VTI1A: variants seen among roughly 807,000 people sequenced by gnomAD.
VTI1A encodes vesicle transport through interaction with t-SNAREs 1A.
Under a neutral mutation model 34.9 loss-of-function variants are expected in VTI1A, and 22 were observed. That is an observed-to-expected ratio of 0.63 (90% CI 0.45 to 0.90). The LOEUF (loss-of-function observed/expected upper bound fraction) is 0.90, where lower values mean the gene tolerates loss of function less well. Ranked by LOEUF, VTI1A falls within the 40% of genes least tolerant of loss-of-function variation. VTI1A has a pLI of 0.00. For synonymous variants in VTI1A, 87 were observed against 97.3 expected, an observed-to-expected ratio of 0.89 and a Z score of 0.62; for missense variants, 268 against 275.6, an observed-to-expected ratio of 0.97 and a Z score of 0.20.
At chr10:112,687,784 G>T (rs886942036) in intron 7 of VTI1A, among the ~76,000 whole-genome samples, 10 of 151,860 alleles carry the variant, frequency 6.6e-5, no homozygotes, top group South Asian at 2.1e-4. Context: ...AGAAGGAGGG[G>T]CTGATTTCAT....
At chr10:112,814,961 G>A (rs573905983) in intron 7 of VTI1A, among the ~76,000 whole-genome samples, 135 of 151,990 alleles carry the variant, frequency 8.9e-4, no homozygotes, top group African/African-American at 2.9e-3. Flanking sequence ...AAGCTCGCAA[G>A]GGGCCCTTGA....
the VTI1A span, among the ~76,000 whole-genome samples, chr10:112,851,227 C>T: frequency 1.3e-5 from 2 of 152,192 alleles, no homozygotes; most frequent in African/African-American, 4.8e-5. Flanking sequence ...TCAAGGTGCT[C>T]CTTCAGAGCC....
chr10:112,844,747 A>G, the VTI1A span, among the ~76,000 whole-genome samples: 1 of 152,226 alleles, frequency 6.6e-6, no homozygotes, highest in Non-Finnish European at 1.5e-5. Context: ...TGGAAAATGT[A>G]GTTTGACATC....
chr10:112,561,407 C>T (rs761238115), intron 5 of VTI1A, among the ~76,000 whole-genome samples: 7 of 152,214 alleles, frequency 4.6e-5, no homozygotes, highest in African/African-American at 7.2e-5. Flanking sequence ...ATGTTTGTTT[C>T]GCTGAAATTT....
intron 1 of VTI1A, chr10:112,450,129 C>G (rs983134835): frequency 6.6e-6 from 1 of 152,326 alleles, no homozygotes; most frequent in East Asian, 1.9e-4. Context: ...TGGGCTCACG[C>G]AATCCACCCA....
chr10:112,472,944 G>A (rs190352926), intron 3 of VTI1A, among the ~76,000 whole-genome samples: 39 of 149,920 alleles, frequency 2.6e-4, no homozygotes, highest in East Asian at 9.7e-4. Context: ...ATACCTGGTC[G>A]TTATAGAATA....
the VTI1A span, among the ~76,000 whole-genome samples, chr10:112,830,124 G>A: frequency 6.6e-6 from 1 of 152,106 alleles, no homozygotes; most frequent in African/African-American, 2.4e-5. Context: ...CTCCCCACTT[G>A]TACTAGGTAG....
At chr10:112,709,932 C>T (rs1217357087) in intron 7 of VTI1A, among the ~76,000 whole-genome samples, 1 of 148,042 alleles carries the variant, frequency 6.8e-6, no homozygotes, top group Non-Finnish European at 1.5e-5. Flanking sequence ...CTCAAGCAAT[C>T]CACCTGCCTC....
At chr10:112,849,409 T>C in the VTI1A span, among the ~76,000 whole-genome samples, 2 of 152,130 alleles carry the variant, frequency 1.3e-5, no homozygotes, top group Non-Finnish European at 2.9e-5. Flanking sequence ...ACGACCCCTC[T>C]AGGGAGCTGG....
intron 5 of VTI1A, among the ~76,000 whole-genome samples, chr10:112,652,249 G>A (rs778599365): frequency 2.6e-5 from 4 of 152,160 alleles, no homozygotes; most frequent in Non-Finnish European, 5.9e-5. Flanking sequence ...TTTCACAAGG[G>A]GACGCAGATA....
chr10:112,839,721 C>T, the VTI1A span, among the ~76,000 whole-genome samples: 2 of 152,184 alleles, frequency 1.3e-5, no homozygotes, highest in Non-Finnish European at 2.9e-5. Flanking sequence ...TACCTCCACT[C>T]CAGTCCCCCT....
the VTI1A span, among the ~76,000 whole-genome samples, chr10:112,853,107 G>T: frequency 1.3e-5 from 2 of 152,158 alleles, no homozygotes; most frequent in South Asian, 2.1e-4. Flanking sequence ...AAAGTGCCAT[G>T]TTCTCCTTGT....
At chr10:112,701,725 C>T (rs1166500567) in intron 7 of VTI1A, among the ~76,000 whole-genome samples, 3 of 152,148 alleles carry the variant, frequency 2.0e-5, no homozygotes, top group Non-Finnish European at 4.4e-5. Flanking sequence ...ATGTGCACAG[C>T]AGTCCTAGGG....
At chr10:112,447,179 C>T (rs1320208490), upstream of VTI1A, 1 of 561,542 alleles carries the variant, frequency 1.8e-6, no homozygotes, top group Non-Finnish European at 3.2e-6. Flanking sequence ...ATAAAGCACG[C>T]ACGCAACCCA....
At chr10:112,559,134 A>T (rs550719857) in intron 5 of VTI1A, among the ~76,000 whole-genome samples, 23 of 152,312 alleles carry the variant, frequency 1.5e-4, no homozygotes, top group African/African-American at 5.3e-4. Flanking sequence ...TAGGAAAAAA[A>T]TGTGTAAATT....
At chr10:112,791,415 TTC>T in intron 7 of VTI1A, among the ~76,000 whole-genome samples, 1 of 152,176 alleles carries the variant, frequency 6.6e-6, no homozygotes, top group South Asian at 2.1e-4. Flanking sequence ...TCTCTATATA[TTC>T]TTTTTTTAAA....
intron 5 of VTI1A, among the ~76,000 whole-genome samples, chr10:112,555,566 T>C (rs374169105): frequency 6.6e-6 from 1 of 152,064 alleles, no homozygotes; most frequent in Non-Finnish European, 1.5e-5. Flanking sequence ...AATATTTATA[T>C]GTGAAAGAAA....
intron 5 of VTI1A, among the ~76,000 whole-genome samples, chr10:112,592,324 A>G (rs576639803): frequency 6.6e-6 from 1 of 152,324 alleles, no homozygotes; most frequent in African/African-American, 2.4e-5. Flanking sequence ...GCTTTTGGTC[A>G]TCTGTTACAG....
intron 3 of VTI1A, among the ~76,000 whole-genome samples, chr10:112,480,218 A>G (rs1848416793): frequency 6.6e-6 from 1 of 152,210 alleles, no homozygotes; most frequent in Admixed American, 6.5e-5. Flanking sequence ...ATAATATTAA[A>G]CAAATGTCAA....
Sources: gnomAD v4.1 joint callset for allele counts (sites outside exome capture counted in the v4.1 genomes callset) on GRCh38, gnomAD v4.1.1 for gene constraint, MANE v1.5 for transcripts, NCBI Gene and HGNC (gene_info 2026-07-23, HGNC 2026-07-21) for gene names.